EXT2: variants seen among roughly 807,000 people sequenced by gnomAD.
EXT2 encodes exostosin-2.
Under a neutral mutation model 81.6 loss-of-function variants are expected in EXT2, and 53 were observed. That is an observed-to-expected ratio of 0.65 (90% CI 0.52 to 0.82). EXT2 has a LOEUF of 0.82. EXT2 is among the 40% of genes least tolerant of loss of function. The pLI is 0.00. For missense variants in EXT2, 774 were observed against 910.2 expected, an observed-to-expected ratio of 0.85 and a Z score of 1.93; for synonymous variants, 320 against 340.0, an observed-to-expected ratio of 0.94 and a Z score of 0.65.
intron 4 of EXT2, among the ~76,000 whole-genome samples, chr11:44,118,153 A>G (rs1254707349): frequency 6.6e-6 from 1 of 152,266 alleles, no homozygotes; most frequent in Admixed American, 6.5e-5. Flanking sequence ...ATTCAGATTA[A>G]CATAATTGAA....
At chr11:44,140,383 C>T (rs1954629486) in intron 7 of EXT2, among the ~76,000 whole-genome samples, 1 of 152,200 alleles carries the variant, frequency 6.6e-6, no homozygotes, top group East Asian at 1.9e-4. Context: ...TTCATGGAAA[C>T]ACCAGGCCCT....
At chr11:44,198,146 T>C in intron 9 of EXT2, 128 bp downstream of exon 9, 1 of 947,786 alleles carries the variant, frequency 1.1e-6, no homozygotes, top group Middle Eastern at 2.6e-4. Flanking sequence ...CATGCCTCCA[T>C]TTTTCTCAGT....
chr11:44,230,090 G>A (rs1955881354), intron 10 of EXT2, among the ~76,000 whole-genome samples: 2 of 152,242 alleles, frequency 1.3e-5, no homozygotes, highest in South Asian at 4.1e-4. Context: ...GGTGCTGTTT[G>A]CTTCAGCAAG....
intron 4 of EXT2, among the ~76,000 whole-genome samples, chr11:44,121,625 C>T (rs1380431359): frequency 6.6e-6 from 1 of 151,264 alleles, no homozygotes; most frequent in Admixed American, 6.6e-5. Flanking sequence ...CATCCCTGCT[C>T]AGACTCTGAC....
At chr11:44,231,723 G>A (rs1324995380) in intron 10 of EXT2, among the ~76,000 whole-genome samples, 1 of 152,120 alleles carries the variant, frequency 6.6e-6, no homozygotes, top group Non-Finnish European at 1.5e-5. Context: ...CATGGGAGAA[G>A]GTACTGGAAG....
chr11:44,159,790 T>C (rs965031329), intron 7 of EXT2, among the ~76,000 whole-genome samples: 5 of 152,172 alleles, frequency 3.3e-5, no homozygotes, highest in Non-Finnish European at 5.9e-5. Context: ...GACTGGACTG[T>C]GAACTTCACA....
At chr11:44,184,745 C>T (rs890158219) in intron 8 of EXT2, among the ~76,000 whole-genome samples, 8 of 151,740 alleles carry the variant, frequency 5.3e-5, no homozygotes, top group South Asian at 2.1e-4. Context: ...AGCAAGACTC[C>T]GTCTCAAAAT....
In EXT2 at chr11:44,251,892, A is replaced by G. The variant is rs7126360; in HGVS notation, c.*7605A>G. Among the ~76,000 whole-genome samples, 130,962 of 152,192 alleles carry G rather than the reference A, an allele frequency of 0.86. 56,763 individuals are homozygous for G. The highest frequency in any genetic ancestry group is 0.95 in the East Asian group (4,909 of 5,186). On this transcript the variant is annotated 3_prime_UTR_variant, in exon 14 of 14. Coordinates refer to ENST00000533608, the MANE Select transcript of EXT2 (RefSeq NM_207122.2). ...CTACTTTCGTCAAGCTTACATTCTA[A>G]TGAGGAAGATAACCAAAACAAGTGA...
At chr11:44,169,453 C>T (rs138668661) in intron 7 of EXT2, among the ~76,000 whole-genome samples, 1,998 of 151,300 alleles carry the variant, frequency 0.013, 13 homozygotes, top group Non-Finnish European at 0.022. Flanking sequence ...AGCAACCTAA[C>T]GAAGAACAAA....
At chr11:44,099,376 G>A (rs1217762369) in intron 1 of EXT2, among the ~76,000 whole-genome samples, 1 of 152,094 alleles carries the variant, frequency 6.6e-6, no homozygotes, top group Admixed American at 6.6e-5. Context: ...TAGTAGAGAT[G>A]GGGTTTCACT....
chr11:44,225,016 T>A (rs903801065), intron 10 of EXT2, among the ~76,000 whole-genome samples: 3 of 152,160 alleles, frequency 2.0e-5, no homozygotes, highest in Non-Finnish European at 2.9e-5. Flanking sequence ...TCTCCTGAGA[T>A]TAGACTTAGA....
Position 44,107,734 on chromosome 11 carries a change from A to T in EXT2, c.22A>T (p.Asn8Tyr). 6.2e-7 allele frequency: 1 copy of T among 1,614,206 alleles called. No homozygotes were observed. Among genetic ancestry groups the T allele is most frequent in the Non-Finnish European group, 8.5e-7 (1 of 1,180,044 alleles). Residue 8 changes from asparagine to tyrosine, a missense_variant, in exon 2 of 14, where the codon AAT becomes TAT. Around this residue, in one of 2 missense-constraint regions of EXT2, gnomAD observed 626 missense variants for 670.5 expected, o/e 0.93. Coordinates refer to ENST00000533608, the MANE Select transcript of EXT2 (RefSeq NM_207122.2). ...CATTATGTGTGCGTCGGTCAAGTAT[A>T]ATATCCGGGGTCCTGCCCTCATCCC... MCASVKYNIRGPALIPRM... is the reference protein window; with the variant it reads MCASVKYYIRGPALIPRM...
rs372237191 is a variant in EXT2 at position 44,114,298 on chromosome 11, C to A, written c.740C>A (p.Pro247Gln). The A allele has an allele frequency of 2.5e-5, 40 of 1,612,488 alleles. No individual in the cohort carries two copies. The highest frequency in any genetic ancestry group is 3.4e-5 in the Non-Finnish European group (40 of 1,178,708). ...SAEVDLPEKG[P>Q]GPRQYFLLSS... is the part of the protein sequence containing the mutation. The stretch of plus-strand genomic sequence containing the variant: ...GAGGTGGATCTTCCAGAGAAAGGAC[C>A]AGGGTAAGGTACATTCATCCCAGCC... Residue 247 changes from proline (P) to glutamine (Q), a missense_variant, in exon 4 of 14, where the codon CCA (proline) becomes CAA (glutamine). This residue lies in a region of EXT2 where 626 missense variants were observed against 670.5 expected (regional missense o/e 0.93). Transcript: ENST00000533608.
intron 10 of EXT2, among the ~76,000 whole-genome samples, chr11:44,231,570 C>G (rs1247188883): frequency 6.6e-6 from 1 of 152,058 alleles, no homozygotes; most frequent in African/African-American, 2.4e-5. Flanking sequence ...AGAATAGAGC[C>G]TAGGACCGAA....
intron 4 of EXT2, among the ~76,000 whole-genome samples, chr11:44,114,735 G>A (rs983940893): frequency 1.3e-5 from 2 of 152,080 alleles, no homozygotes; most frequent in Non-Finnish European, 2.9e-5. Context: ...TGCTCCCCTC[G>A]AGTTTGATCC....
At chr11:44,124,102 A>G (rs552429385) in intron 4 of EXT2, among the ~76,000 whole-genome samples, 21 of 152,336 alleles carry the variant, frequency 1.4e-4, no homozygotes, top group Admixed American at 5.9e-4. Flanking sequence ...GTTTTCTTTT[A>G]CACATCCTTG....
At chr11:44,109,488 C>T (rs1590550251) in intron 3 of EXT2, among the ~76,000 whole-genome samples, 1 of 152,266 alleles carries the variant, frequency 6.6e-6, no homozygotes, top group East Asian at 1.9e-4. Context: ...CTGGCATAGC[C>T]TCTAAAACTG....
chr11:44,171,359 A>C (rs934038825), intron 7 of EXT2, among the ~76,000 whole-genome samples: 1 of 152,238 alleles, frequency 6.6e-6, no homozygotes, highest in African/African-American at 2.4e-5. Context: ...ATCATCACAT[A>C]ATTTATCTTC....
At chr11:44,128,900 G>A (rs762430180) in intron 6 of EXT2, among the ~76,000 whole-genome samples, 64 of 152,344 alleles carry the variant, frequency 4.2e-4, no homozygotes, top group Admixed American at 2.1e-3. Context: ...TATACCAGGT[G>A]CTGAGGATAC....
Sources: gnomAD v4.1 joint callset for allele counts (sites outside exome capture counted in the v4.1 genomes callset) on GRCh38, gnomAD v4.1.1 for gene constraint, gnomAD v4.1.1 regional missense constraint, MANE v1.5 for transcripts, NCBI Gene and HGNC (gene_info 2026-07-23, HGNC 2026-07-21) for gene names.